LHX3: variants seen among roughly 807,000 people sequenced by gnomAD.
LHX3 encodes LIM/homeobox protein Lhx3.
In LHX3, 21 loss-of-function variants were observed where a neutral mutation model predicts 32.4. The ratio of observed to expected loss-of-function variants is 0.65; its 90% confidence interval spans 0.46 to 0.93. LHX3 has a LOEUF of 0.93. LHX3 is among the 40% of genes least tolerant of loss of function. LHX3 has a pLI of 0.00. For missense variants in LHX3, 626 were observed against 560.0 expected, an observed-to-expected ratio of 1.12 and a Z score of -1.19; for synonymous variants, 258 against 246.8, an observed-to-expected ratio of 1.05 and a Z score of -0.43.
chr9:136,202,642 C>T (rs1019959909), intron 1 of LHX3, among the ~76,000 whole-genome samples: 1 of 152,184 alleles, frequency 6.6e-6, no homozygotes, highest in African/African-American at 2.4e-5. Flanking sequence ...CGCCACTGCT[C>T]CCTGCGCCTC....
At chr9:136,199,463 C>A (rs1397877774) in intron 3 of LHX3, among the ~76,000 whole-genome samples, 1 of 152,252 alleles carries the variant, frequency 6.6e-6, no homozygotes, top group Non-Finnish European at 1.5e-5. Context: ...GGGCGAAAAG[C>A]CGCACACTTC....
Position 136,197,718 on chromosome 9 carries a change from G to A in LHX3, c.801C>T (p.Gly267=). The part of the protein sequence containing the change: ...FPDEPSLAEM[G]PANGLYGSLG... ...AGCTCCCGTAGAGGCCATTGGCCGGGCCCATTTCCGCCAAGGAAGGCTCAT... is the reference window on the plus strand; with the variant it reads ...AGCTCCCGTAGAGGCCATTGGCCGGACCCATTTCCGCCAAGGAAGGCTCAT... The change falls in exon 6 of 6, where the codon GGC becomes GGT. Residue 267 remains glycine (G), a synonymous_variant. Coordinates refer to ENST00000371748, the MANE Select transcript of LHX3 (RefSeq NM_178138.6). 1 of 1,603,834 alleles carries A rather than the reference G, an allele frequency of 6.2e-7. No individual in the cohort carries two copies.
At chr9:136,200,163 G>A (rs1176745592) in intron 2 of LHX3, 1 of 580,574 alleles carries the variant, frequency 1.7e-6, no homozygotes, top group Non-Finnish European at 3.1e-6. Context: ...ACCCATCTGG[G>A]GCCAGTCCCT....
Position 136,197,528 on chromosome 9 carries a change from G to C in LHX3, c.991C>G (p.Gln331Glu). Reference protein sequence around the residue: ...PAAPQSLPGPQPLLSSLVYPD... With the variant: ...PAAPQSLPGPEPLLSSLVYPD... The stretch of plus-strand genomic sequence containing the variant: ...TACACCAGGCTGGAGAGGAGGGGCT[G>C]GGGGCCAGGGAGGCTCTGCGGGGCG... Residue 331 changes from glutamine to glutamate, a missense_variant, in exon 6 of 6, where the codon CAG (glutamine) becomes GAG (glutamate). Transcript: ENST00000371748. 1 of 1,533,370 alleles carries C rather than the reference G, an allele frequency of 6.5e-7. No homozygotes were observed. Among genetic ancestry groups the C allele is most frequent in the Non-Finnish European group, 8.8e-7 (1 of 1,136,360 alleles). 95.0% of individuals were successfully genotyped at this position (1,533,370 alleles called of 1,614,324 possible). A position where few individuals can be genotyped will look rare whatever the true frequency, so the allele number is the denominator to read the frequency against.
rs1029695661 is a variant in LHX3 at position 136,199,127 on chromosome 9, C to T, written c.455-68G>A. The T allele has an allele frequency of 8.8e-5, 84 of 955,210 alleles. No homozygotes were observed. In the Middle Eastern group the frequency reaches 1.5e-3, roughly 17 times the overall value. The allele number at this position is 955,210 out of a possible 1,614,324, so 59.2% of individuals were successfully genotyped here. ...CCCGGCCGGACCCCCAGCCCTCCCA[C>T]CCCGGCCGGCGCGGGGACGTCGGGG... On this transcript the variant is annotated intron_variant, in intron 3 of 5. Transcript: ENST00000371748.
intron 5 of LHX3, 148 bp from the exon 6 acceptor site, chr9:136,197,891 T>C: frequency 2.3e-6 from 2 of 854,104 alleles, no homozygotes; most frequent in South Asian, 3.0e-5. Context: ...CTTCTACTGT[T>C]GGAGCATGGC....
intron 1 of LHX3, chr9:136,202,966 C>T (rs776881677): frequency 6.5e-7 from 1 of 1,532,026 alleles, no homozygotes; most frequent in Non-Finnish European, 8.7e-7. Context: ...GTCCGCCCTC[C>T]GCGCCAGCAG....
rs1441966387 is a variant in LHX3, at chr9:136,197,193, A to G, written c.*132T>C. 1.1e-6 allele frequency: 1 copy of G among 936,322 alleles called. No individual in the cohort carries two copies. The highest frequency in any genetic ancestry group is 1.7e-6 in the Non-Finnish European group (1 of 602,650). The allele number at this position is 936,322 out of a possible 1,614,324, so 58.0% of individuals were successfully genotyped here. A position where few individuals can be genotyped will look rare whatever the true frequency, so the allele number is the denominator to read the frequency against. ...CCAGAGAGGGAGCTGTGCGGTCGGC[A>G]GTGGGAGGCTCCGAAGGCACCAGCC... On this transcript the variant is annotated 3_prime_UTR_variant, in exon 6 of 6. Transcript: ENST00000371748.
chr9:136,199,982 G>A (rs1451987175), intron 2 of LHX3, 102 bp from the exon 3 acceptor site: 57 of 1,260,200 alleles, frequency 4.5e-5, no homozygotes, highest in Non-Finnish European at 6.2e-5. Flanking sequence ...GGCGGCCCCG[G>A]AGGAAGGCTC....
intron 1 of LHX3, chr9:136,203,221 G>A (rs937447966): frequency 6.2e-6 from 5 of 802,340 alleles, no homozygotes; most frequent in Admixed American, 5.8e-5. Context: ...GCCGGGGGGC[G>A]GGGCCGCGGG....
Position 136,197,261 on chromosome 9 carries a change from G to A in LHX3, c.*64C>T, listed in dbSNP as rs1444845983. 1.3e-6 allele frequency: 2 copies of A among 1,565,624 alleles called. No homozygotes were observed. The highest frequency in any genetic ancestry group is 3.4e-5 in the Admixed American group (2 of 58,718). ...CCCCACTTCCTCGGAAACCCCAGCA[G>A]CCCCGAGCCGCCCACCCAGGGGCAG... On this transcript the variant is annotated 3_prime_UTR_variant, in exon 6 of 6. Transcript: ENST00000371748.
intron 2 of LHX3, chr9:136,200,197 A>C: frequency 1.8e-6 from 1 of 563,534 alleles, no homozygotes; most frequent in Non-Finnish European, 3.2e-6. Context: ...TGGAGCCATG[A>C]AGGCCACTGG....
intron 1 of LHX3, among the ~76,000 whole-genome samples, chr9:136,201,959 G>C (rs1232041619): frequency 6.6e-6 from 1 of 151,988 alleles, no homozygotes; most frequent in South Asian, 2.1e-4. Context: ...CGCCGCCGGC[G>C]CCCGCGTCGG....
chr9:136,197,552 C>A lies in LHX3; in HGVS notation c.967G>T (p.Ala323Ser). Residue 323 changes from alanine (A) to serine (S), a missense_variant, in exon 6 of 6, where the codon GCC becomes TCC. Transcript: ENST00000371748. ...SPYGVPPSPA[A>S]PQSLPGPQPL... is the part of the protein sequence containing the mutation. Reference sequence around the variant, plus strand: ...TGGGGGCCAGGGAGGCTCTGCGGGGCGGCGGGGGATGGGGGGACACCGTAG... The same window carrying A: ...TGGGGGCCAGGGAGGCTCTGCGGGGAGGCGGGGGATGGGGGGACACCGTAG... The A allele has an allele frequency of 7.2e-7, 1 of 1,396,908 alleles. No homozygotes were observed. Among genetic ancestry groups the A allele is most frequent in the Non-Finnish European group, 9.7e-7 (1 of 1,031,636 alleles). The allele number at this position is 1,396,908 out of a possible 1,614,324, so 86.5% of individuals were successfully genotyped here.
intron 1 of LHX3, chr9:136,203,196 G>A (rs1831688043): frequency 1.8e-6 from 2 of 1,081,528 alleles, no homozygotes; most frequent in Non-Finnish European, 2.3e-6. Flanking sequence ...CTCTGGCCGA[G>A]CGGAGGGCGG....
intron 4 of LHX3, 43 bp downstream of exon 4, chr9:136,198,865 C>T (rs767397976): frequency 1.7e-5 from 27 of 1,594,010 alleles, no homozygotes; most frequent in Non-Finnish European, 2.2e-5. Context: ...CTGCGGGGGC[C>T]CCCAAGGCCG....
rs1346228119 is a variant in LHX3 at position 136,197,560 on chromosome 9, G to A, written c.959C>T (p.Ser320Phe). The change falls in exon 6 of 6, where the codon TCC (serine) becomes TTC (phenylalanine). Residue 320 changes from serine (S) to phenylalanine (F), a missense_variant. Ser to Phe is a radical substitution (Grantham distance 155). Transcript: ENST00000371748. ...RPGSPYGVPPSPAAPQSLPGP... is the reference protein window; with the variant it reads ...RPGSPYGVPPFPAAPQSLPGP... ...AGGGAGGCTCTGCGGGGCGGCGGGG[G>A]ATGGGGGGACACCGTAGGGGCTGCC... is the stretch of plus-strand genomic sequence containing the variant. The A allele has an allele frequency of 1.4e-5, 22 of 1,520,556 alleles. No homozygotes were observed. Among genetic ancestry groups the A allele is most frequent in the Non-Finnish European group, 1.9e-5 (21 of 1,126,036 alleles). The allele number at this position is 1,520,556 out of a possible 1,614,324, so 94.2% of individuals were successfully genotyped here.
Position 136,197,192 on chromosome 9 carries a change from C to T in LHX3, c.*133G>A. On this transcript the variant is annotated 3_prime_UTR_variant, in exon 6 of 6. Transcript: ENST00000371748. ...CCCAGAGAGGGAGCTGTGCGGTCGG[C>T]AGTGGGAGGCTCCGAAGGCACCAGC... The T allele has an allele frequency of 1.1e-6, 1 of 932,230 alleles. No homozygotes were observed. Among genetic ancestry groups the T allele is most frequent in the Non-Finnish European group, 1.7e-6 (1 of 599,976 alleles). 57.7% of individuals were successfully genotyped at this position (932,230 alleles called of 1,614,324 possible).
In LHX3 at chr9:136,197,390, C is replaced by A; in HGVS notation, c.1129G>T (p.Gly377Cys). The A allele has an allele frequency of 6.2e-7, 1 of 1,610,908 alleles. No homozygotes were observed. The highest frequency in any genetic ancestry group is 8.5e-7 in the Non-Finnish European group (1 of 1,179,442). ...GGGCTGGCAGGGAAGTCGGGGTAACCCCCGCTGCTCCCCGTGGATAGGTCA... is the reference window on the plus strand; with the variant it reads ...GGGCTGGCAGGGAAGTCGGGGTAACACCCGCTGCTCCCCGTGGATAGGTCA... The part of the protein sequence containing the change: ...SSDLSTGSSG[G>C]YPDFPASPAS... Residue 377 changes from glycine (G) to cysteine (C), a missense_variant, in exon 6 of 6, where the codon GGT (glycine) becomes TGT (cysteine). Coordinates refer to ENST00000371748, the MANE Select transcript of LHX3 (RefSeq NM_178138.6).
Sources: allele counts gnomAD v4.1 joint callset (sites outside exome capture counted in the v4.1 genomes callset), GRCh38; gene constraint gnomAD v4.1.1; transcripts MANE v1.5; gene names NCBI Gene and HGNC (gene_info 2026-07-23, HGNC 2026-07-21).